Variants in SPARCL1 observed in about 807,000 individuals in gnomAD.
SPARCL1 encodes the protein SPARC like 1.
In SPARCL1, 52 loss-of-function variants were observed where a neutral mutation model predicts 67.1. The ratio of observed to expected loss-of-function variants is 0.78; its 90% CI spans 0.62 to 0.98. The LOEUF is 0.98. Among genes scored for constraint, SPARCL1 ranks in the 50% least tolerant of loss-of-function variants. The probability of loss-of-function intolerance (pLI) is 0.00; values close to 1 mark genes in which losing one functional copy is unlikely to be tolerated. For missense variants in SPARCL1, 717 were observed against 782.4 expected (o/e 0.92, Z 1.00); for synonymous variants, 226 against 267.8 (o/e 0.84, Z 1.52).
At chr4:87,500,332 C>T (rs750054056) in intron 1 of SPARCL1, among the ~76,000 whole-genome samples, 12 of 152,106 alleles carry the variant, frequency 7.9e-5, no homozygotes, top group Non-Finnish European at 1.6e-4. Context: ...TAGTTCCGAA[C>T]GAACTCTTTA....
At chr4:87,488,268 G>A (rs927615513) in intron 7 of SPARCL1, among the ~76,000 whole-genome samples, 4 of 152,154 alleles carry the variant, frequency 2.6e-5, no homozygotes, top group African/African-American at 9.7e-5. Flanking sequence ...GTGGCCTTTG[G>A]ATGGGGTTTT....
intron 4 of SPARCL1, among the ~76,000 whole-genome samples, chr4:87,492,258 A>C (rs941086076): frequency 2.6e-5 from 4 of 152,062 alleles, no homozygotes; most frequent in African/African-American, 9.7e-5. Context: ...TCTCTACTAA[A>C]AATACAAAAA....
At position 87,494,488 on chromosome 4, in the gene SPARCL1, A is replaced by T. The variant is rs974464714; in HGVS notation, c.312T>A (p.Asp104Glu). 1.3e-5 allele frequency: 21 copies of T among 1,614,116 alleles called. No individual in the cohort carries two copies. The highest frequency in any genetic ancestry group is 1.8e-5 in the Non-Finnish European group (21 of 1,180,014). The change falls in exon 4 of 11, where the codon GAT (aspartate) becomes GAA (glutamate). Residue 104 changes from aspartate to glutamate, a missense_variant. Physicochemically the swap from Asp to Glu is conservative, Grantham distance 45 (BLOSUM62 2). Transcript: ENST00000282470. ...ACTCCAAATTCACACTTAAGTGACC[A>T]TCACTGTCCTCTTGATCCTTCAATC... is the stretch of plus-strand genomic sequence containing the variant. ...ELGLKDQEDS[D>E]GHLSVNLEYA...
At position 87,493,909 on chromosome 4, in the gene SPARCL1, C is replaced by G. The variant is rs142254899; in HGVS notation, c.891G>C (p.Glu297Asp). ...HIQETEWQSQ[E>D]GKTGLEAISN... ...TGATAGCTTCTAGGCCAGTTTTACC[C>G]TCTTGACTCTGCCATTCAGTTTCTT... The change falls in exon 4 of 11, where the codon GAG (glutamate) becomes GAC (aspartate). Residue 297 changes from glutamate (E) to aspartate (D), a missense_variant. Glu to Asp is a conservative substitution (Grantham distance 45). Transcript: ENST00000282470. 165 of 1,614,132 alleles carry G rather than the reference C, an allele frequency of 1.0e-4. No homozygotes were observed. In the African/African-American group the frequency reaches 1.8e-3, roughly 18 times the overall value.
chr4:87,495,370 C>CA lies in SPARCL1; in HGVS notation c.55-244dup, dbSNP rs960490746. Among the ~76,000 whole-genome samples the CA allele has an allele frequency of 5.1e-4, 77 of 152,088 alleles. 2 individuals are homozygous for CA. Among genetic ancestry groups the CA allele is most frequent in the Admixed American group, 4.3e-3 (65 of 15,264 alleles). On this transcript the variant is annotated intron_variant, in intron 2 of 10. Coordinates refer to ENST00000282470, the MANE Select transcript of SPARCL1 (RefSeq NM_004684.6). ...ATGCAGAGACTGGGTGAAAATAAAA[C>CA]AAAATGCATTTAAATAATGGTAACT...
chr4:87,498,961 C>A (rs1347763939), intron 2 of SPARCL1, among the ~76,000 whole-genome samples: 1 of 151,806 alleles, frequency 6.6e-6, no homozygotes, highest in East Asian at 1.9e-4. Context: ...GCAATCTCTG[C>A]CTCCTGGGTT....
intron 2 of SPARCL1, 62 bp from the exon 3 acceptor site, chr4:87,495,189 A>G: frequency 7.1e-7 from 1 of 1,416,040 alleles, no homozygotes; most frequent in South Asian, 1.2e-5. Context: ...CAAATTTGCT[A>G]GTTACTCTTG....
chr4:87,478,655 C>T (rs916422066), intron 10 of SPARCL1, among the ~76,000 whole-genome samples: 9 of 152,074 alleles, frequency 5.9e-5, no homozygotes, highest in African/African-American at 1.9e-4. Flanking sequence ...CCAGGCTAGT[C>T]TCTAACTCCT....
chr4:87,518,486 T>C (rs1725673629), intron 1 of SPARCL1, among the ~76,000 whole-genome samples: 1 of 152,232 alleles, frequency 6.6e-6, no homozygotes, highest in Non-Finnish European at 1.5e-5. Flanking sequence ...TTGAAATCAA[T>C]GGCTTCATTT....
At chr4:87,509,085 AATAT>A (rs1199911854) in intron 1 of SPARCL1, among the ~76,000 whole-genome samples, 1 of 148,626 alleles carries the variant, frequency 6.7e-6, no homozygotes. Context: ...TGTATCTATA[AATAT>A]ATAATATATT....
At chr4:87,527,110 C>T (rs1464646508) in intron 1 of SPARCL1, among the ~76,000 whole-genome samples, 1 of 152,208 alleles carries the variant, frequency 6.6e-6, no homozygotes, top group Non-Finnish European at 1.5e-5. Context: ...GAACAATCAT[C>T]AAGACCATGC....
chr4:87,497,630 T>C (rs1724674978), intron 2 of SPARCL1, among the ~76,000 whole-genome samples: 1 of 152,250 alleles, frequency 6.6e-6, no homozygotes, highest in Non-Finnish European at 1.5e-5. Context: ...TTTTAATAGG[T>C]CATTTCTATG....
intron 1 of SPARCL1, among the ~76,000 whole-genome samples, chr4:87,524,735 T>G (rs1027108945): frequency 2.0e-5 from 3 of 152,234 alleles, no homozygotes; most frequent in African/African-American, 7.2e-5. Context: ...ATACTTGTTG[T>G]CTCAGTGATT....
intron 9 of SPARCL1, among the ~76,000 whole-genome samples, chr4:87,479,790 A>G (rs1042187977): frequency 6.6e-6 from 1 of 152,166 alleles, no homozygotes; most frequent in South Asian, 2.1e-4. Context: ...CTTCACAGGA[A>G]CTGTCCTTCC....
chr4:87,480,655 A>G (rs910313242), intron 8 of SPARCL1, 135 bp from the exon 9 acceptor site: 1 of 727,098 alleles, frequency 1.4e-6, no homozygotes, highest in Non-Finnish European at 2.2e-6. Context: ...GTGCAACTAA[A>G]TGAAATTCCT....
rs1398158766 is a variant in SPARCL1, at chr4:87,491,685, C to T, written c.1224G>A (p.Lys408=). ...TTEPGEHQEA[K]KAENSSNEEE... ...CCTCATTTGATGAGTTCTCTGCTTT[C>T]TTGGCCTTTAGAATAACAAGAGCAA... Residue 408 remains lysine, a synonymous_variant, in exon 5 of 11, where the codon AAG becomes AAA. Transcript: ENST00000282470. 6.2e-7 allele frequency: 1 copy of T among 1,612,772 alleles called. No individual in the cohort carries two copies. The highest frequency in any genetic ancestry group is 8.5e-7 in the Non-Finnish European group (1 of 1,178,904).
In SPARCL1 at chr4:87,480,575, G is replaced by C. The variant is rs1723778506; in HGVS notation, c.1669-55C>G. ...AGAATCAGACAAATGTAATGGACTT[G>C]TCACTTGCTATAAACTTTACTTGAA... On this transcript the variant is annotated intron_variant, in intron 8 of 10. Coordinates refer to ENST00000282470, the MANE Select transcript of SPARCL1 (RefSeq NM_004684.6). 3 of 1,488,370 alleles carry C rather than the reference G, an allele frequency of 2.0e-6. No individual in the cohort carries two copies. The Admixed American group carries it at 6.2e-5, about 31-fold the overall frequency. The allele number at this position is 1,488,370 out of a possible 1,614,324, so 92.2% of individuals were successfully genotyped here. A position where few individuals can be genotyped will look rare whatever the true frequency, so the allele number is the denominator to read the frequency against.
chr4:87,474,836 G>A (rs796485347), intron 10 of SPARCL1, among the ~76,000 whole-genome samples: 14 of 148,714 alleles, frequency 9.4e-5, no homozygotes, highest in African/African-American at 2.5e-4. Context: ...TCCGCCTCCC[G>A]GGTTCACGCC....
intron 4 of SPARCL1, among the ~76,000 whole-genome samples, chr4:87,492,813 G>C (rs17012693): frequency 0.26 from 39,501 of 152,044 alleles, 5,533 homozygotes; most frequent in South Asian, 0.48. Flanking sequence ...CCAGGATTTT[G>C]AATGAAAGCT....
Sources: gnomAD v4.1 joint callset for allele counts (sites outside exome capture counted in the v4.1 genomes callset) on GRCh38, gnomAD v4.1.1 for gene constraint, MANE v1.5 for transcripts, NCBI Gene and HGNC (gene_info 2026-07-23, HGNC 2026-07-21) for gene names.